Variants in CFH observed in about 807,000 individuals in gnomAD.
CFH encodes H factor 1 (complement).
Under a neutral mutation model 147.3 loss-of-function variants are expected in CFH, and 53 were observed. The ratio of observed to expected loss-of-function variants is 0.36; its 90% CI spans 0.29 to 0.45. The LOEUF (loss-of-function observed/expected upper bound fraction) is 0.45. CFH is among the 20% of genes least tolerant of loss of function. The pLI is 1.00. For missense variants in CFH, 1,380 were observed against 1,498.0 expected (o/e 0.92, Z 1.30); for synonymous variants, 536 against 489.4 (o/e 1.10, Z -1.26).
intron 1 of CFH, among the ~76,000 whole-genome samples, chr1:196,661,878 T>A (rs1666922479): frequency 6.6e-6 from 1 of 151,580 alleles, no homozygotes; most frequent in Non-Finnish European, 1.5e-5. Context: ...AAAAAGAGGT[T>A]TTGTTTTGTT....
Position 196,747,152 on chromosome 1 carries a change from A to T in CFH, c.3535A>T (p.Ile1179Leu), listed in dbSNP as rs572092063. 1.2e-5 allele frequency: 19 copies of T among 1,613,914 alleles called. No individual in the cohort carries two copies. The Admixed American group carries it at 3.2e-4, about 27-fold the overall frequency. Residue 1179 changes from isoleucine to leucine, a missense_variant, in exon 22 of 22, where the codon ATA becomes TTA. Transcript: ENST00000367429. ...CCGAGAAATTATGGAAAATTATAAC[A>T]TAGCATTAAGGTGGACAGCCAAACA... is the stretch of plus-strand genomic sequence containing the variant. ...ISREIMENYN[I>L]ALRWTAKQKL...
intron 9 of CFH, among the ~76,000 whole-genome samples, chr1:196,695,860 G>C (rs1315950947): frequency 6.6e-6 from 1 of 152,122 alleles, no homozygotes; most frequent in East Asian, 1.9e-4. Flanking sequence ...TTTGCATCCT[G>C]AGACTTTCCT....
In CFH at chr1:196,741,948, G is replaced by C. The variant is rs1290292015; in HGVS notation, c.3030G>C (p.Ala1010=). Residue 1010 remains alanine, a synonymous_variant, in exon 19 of 22, where the codon GCG becomes GCC. Coordinates refer to ENST00000367429, the MANE Select transcript of CFH (RefSeq NM_000186.4). The part of the protein sequence containing the change: ...PMGEKKDVYK[A]GEQVTYTCAT... ...GAGAGAAGAAGGATGTGTATAAGGC[G>C]GGTGAGCAAGTGACTTACACTTGTG... The C allele has an allele frequency of 1.4e-5, 22 of 1,614,130 alleles. No individual in the cohort carries two copies. Among genetic ancestry groups the C allele is most frequent in the Non-Finnish European group, 1.9e-5 (22 of 1,179,986 alleles).
intron 1 of CFH, among the ~76,000 whole-genome samples, chr1:196,656,563 G>A (rs1433281162): frequency 6.6e-6 from 1 of 151,936 alleles, no homozygotes; most frequent in Non-Finnish European, 1.5e-5. Context: ...ATAATCTACA[G>A]ATATAATGGA....
chr1:196,713,571 C>T (rs1668773705), intron 9 of CFH, among the ~76,000 whole-genome samples, 164 bp from the exon 10 acceptor site: 1 of 152,044 alleles, frequency 6.6e-6, no homozygotes. Context: ...ATGTCTTTGG[C>T]AACTCTGAGC....
rs1171474420 is a variant in CFH at position 196,665,902 on chromosome 1, C to T, written c.59-7076C>T. ...GAATATAGGCGTGAGCCACCGCACC[C>T]GGCCCCAGTGGATTTTAATTGCAAG... On this transcript the variant is annotated intron_variant, in intron 1 of 21. Coordinates refer to ENST00000367429, the MANE Select transcript of CFH (RefSeq NM_000186.4). Among the ~76,000 whole-genome samples, 4 of 152,180 alleles carry T rather than the reference C, an allele frequency of 2.6e-5. No homozygotes were observed. The East Asian group carries it at 5.8e-4, about 22-fold the overall frequency.
chr1:196,731,052 G>C (rs189553529), intron 15 of CFH, among the ~76,000 whole-genome samples: 16 of 151,832 alleles, frequency 1.1e-4, no homozygotes, highest in African/African-American at 3.1e-4. Flanking sequence ...TTTGATTATA[G>C]AATATATTCC....
intron 1 of CFH, among the ~76,000 whole-genome samples, chr1:196,670,421 G>T (rs963998093): frequency 5.9e-5 from 9 of 152,128 alleles, no homozygotes; most frequent in South Asian, 2.1e-4. Flanking sequence ...ATCCCTGTGT[G>T]TTGAGGGAAG....
intron 17 of CFH, among the ~76,000 whole-genome samples, chr1:196,739,451 A>G (rs771016088): frequency 6.6e-6 from 1 of 152,148 alleles, no homozygotes; most frequent in Non-Finnish European, 1.5e-5. Context: ...TCTCAAGTTC[A>G]AAGTTCCACA....
At chr1:196,699,212 C>T (rs1668379402) in intron 9 of CFH, among the ~76,000 whole-genome samples, 1 of 141,120 alleles carries the variant, frequency 7.1e-6, no homozygotes, top group Non-Finnish European at 1.5e-5. Context: ...GCAACCTTGC[C>T]AGCCTTTGAG....
In CFH at chr1:196,737,474, G is replaced by A; in HGVS notation, c.2597-1G>A. 2.5e-6 allele frequency: 4 copies of A among 1,607,480 alleles called. No homozygotes were observed. The highest frequency in any genetic ancestry group is 8.5e-7 in the Non-Finnish European group (1 of 1,175,302). The stretch of plus-strand genomic sequence containing the variant: ...CCCTTTGATTTTCATTCTTCATTTA[G>A]AAAAAATTCCATGTTCACAACCACC... On this transcript the variant is annotated splice_acceptor_variant, in intron 16 of 21. Transcript: ENST00000367429. LOFTEE classifies it high-confidence loss of function.
chr1:196,714,690 GA>G lies in CFH; in HGVS notation c.1519+774del, dbSNP rs1558173508. On this transcript the variant is annotated intron_variant, in intron 10 of 21. Transcript: ENST00000367429. ...ATATAGAGAGAGAGAGAGAGAGAGA[GA>G]GAGAGAGAGAGAGAGAGAGAGAGAG... is the stretch of plus-strand genomic sequence containing the variant. Among the ~76,000 whole-genome samples, 9 of 108,486 alleles carry G rather than the reference GA, an allele frequency of 8.3e-5. 1 individual carries two copies. The highest frequency in any genetic ancestry group is 3.2e-4 in the African/African-American group (9 of 28,204). 71.2% of individuals were successfully genotyped at this position (108,486 alleles called of 152,430 possible).
chr1:196,696,344 C>T (rs1272064692), intron 9 of CFH, among the ~76,000 whole-genome samples: 1 of 152,106 alleles, frequency 6.6e-6, no homozygotes, highest in Non-Finnish European at 1.5e-5. Context: ...ACTGAACAAC[C>T]TGCTACTGAA....
intron 7 of CFH, among the ~76,000 whole-genome samples, chr1:196,688,780 T>G (rs1447593862): frequency 2.0e-5 from 3 of 151,982 alleles, no homozygotes; most frequent in African/African-American, 7.2e-5. Context: ...CCGGCTAATT[T>G]TTTTTGTATT....
At chr1:196,714,668 T>TATATATATATAGAG (rs1362376856) in intron 10 of CFH, among the ~76,000 whole-genome samples, 4 of 21,312 alleles carry the variant, frequency 1.9e-4, no homozygotes, top group African/African-American at 1.7e-4. Context: ...TATATATATA[T>TATATATATATAGAG]AGAGAGAGAG....
intron 1 of CFH, among the ~76,000 whole-genome samples, chr1:196,658,560 C>CA (rs1478673453): frequency 6.6e-6 from 1 of 151,648 alleles, no homozygotes; most frequent in East Asian, 1.9e-4. Context: ...TACAGGCACC[C>CA]ACCACCAAGC....
chr1:196,687,313 G>A (rs978040350), intron 7 of CFH, among the ~76,000 whole-genome samples: 4 of 151,994 alleles, frequency 2.6e-5, no homozygotes, highest in African/African-American at 4.8e-5. Flanking sequence ...TATTCTCAGC[G>A]CTGATGAGAC....
At chr1:196,700,612 C>A (rs890083639) in intron 9 of CFH, among the ~76,000 whole-genome samples, 2 of 150,428 alleles carry the variant, frequency 1.3e-5, no homozygotes, top group Non-Finnish European at 3.0e-5. Context: ...CAAGATCGTG[C>A]CACTGCACTC....
intron 11 of CFH, 145 bp from the exon 12 acceptor site, chr1:196,724,976 T>A: frequency 3.1e-6 from 2 of 642,124 alleles, no homozygotes; most frequent in Non-Finnish European, 5.5e-6. Flanking sequence ...AAACATAATA[T>A]GTAGCATTCT....
Sources: gnomAD v4.1 joint callset for allele counts (sites outside exome capture counted in the v4.1 genomes callset) on GRCh38, gnomAD v4.1.1 for gene constraint, MANE v1.5 for transcripts, NCBI Gene and HGNC (gene_info 2026-07-23, HGNC 2026-07-21) for gene names.